OLFM3: variants seen among roughly 807,000 people sequenced by gnomAD.
OLFM3 encodes olfactomedin 3.
Under a neutral mutation model 48.6 loss-of-function variants are expected in OLFM3, and 20 were observed. That is an observed-to-expected ratio of 0.41 (90% CI 0.29 to 0.60). The LOEUF (loss-of-function observed/expected upper bound fraction) is 0.60, where lower values mean the gene tolerates loss of function less well. Ranked by LOEUF, OLFM3 falls within the 20% of genes least tolerant of loss-of-function variation. The pLI is 0.28. For missense variants in OLFM3, 437 were observed against 544.3 expected (o/e 0.80, Z 1.96); for synonymous variants, 222 against 198.1 (o/e 1.12, Z -1.01).
intron 2 of OLFM3, among the ~76,000 whole-genome samples, 199 bp downstream of exon 2, chr1:101,836,680 T>TA (rs1354003097): frequency 6.6e-6 from 1 of 151,008 alleles, no homozygotes; most frequent in Non-Finnish European, 1.5e-5. Flanking sequence ...TTAGAAAAAG[T>TA]AAAAAGTCAT....
intron 1 of OLFM3, among the ~76,000 whole-genome samples, chr1:101,868,890 A>G (rs772792552): frequency 3.8e-4 from 58 of 152,218 alleles, no homozygotes; most frequent in Admixed American, 1.3e-3. Flanking sequence ...GCAAGCCCCA[A>G]GCCTTGGTGG....
At chr1:101,834,422 A>G (rs1161105169) in intron 2 of OLFM3, among the ~76,000 whole-genome samples, 3 of 152,230 alleles carry the variant, frequency 2.0e-5, no homozygotes, top group Non-Finnish European at 4.4e-5. Context: ...ATATGTGACT[A>G]AATCAATCTT....
chr1:101,884,800 A>G (rs1206220628), intron 1 of OLFM3, among the ~76,000 whole-genome samples: 1 of 151,958 alleles, frequency 6.6e-6, no homozygotes, highest in Non-Finnish European at 1.5e-5. Flanking sequence ...CTTGCCTTTT[A>G]AAGTTCTTTT....
At chr1:101,940,451 T>C (rs1326739395) in intron 1 of OLFM3, among the ~76,000 whole-genome samples, 1 of 151,760 alleles carries the variant, frequency 6.6e-6, no homozygotes. Flanking sequence ...TCTATCTATC[T>C]TTCTAATCTA....
intron 1 of OLFM3, among the ~76,000 whole-genome samples, chr1:101,869,782 C>A (rs891037392): frequency 5.3e-5 from 8 of 152,114 alleles, no homozygotes; most frequent in African/African-American, 1.9e-4. Context: ...TGAGTGAGTT[C>A]TCACGATATC....
chr1:101,996,808 C>T lies in OLFM3; in HGVS notation c.9G>A (p.Ala3=). Residue 3 remains alanine (A), a synonymous_variant, in exon 1 of 6, where the codon GCG becomes GCA. Coordinates refer to ENST00000370103, the MANE Select transcript of OLFM3 (RefSeq NM_058170.4). ...GCAGGAGGTTGAGAAGGTTGGACGT[C>T]GCCTGCATTCTGATCTGGGTTTTTG... MQ[A]TSNLLNLLLL... 6.2e-7 allele frequency: 1 copy of T among 1,614,228 alleles called. No homozygotes were observed. Among genetic ancestry groups the T allele is most frequent in the Non-Finnish European group, 8.5e-7 (1 of 1,180,034 alleles).
At chr1:101,958,969 C>T (rs1660384628) in intron 1 of OLFM3, among the ~76,000 whole-genome samples, 1 of 151,808 alleles carries the variant, frequency 6.6e-6, no homozygotes, top group Non-Finnish European at 1.5e-5. Context: ...ACTATAGTCA[C>T]CATGCTGTAC....
chr1:101,824,931 T>G (rs1654785690), intron 4 of OLFM3, 95 bp downstream of exon 4: 1 of 1,057,120 alleles, frequency 9.5e-7, no homozygotes, highest in Non-Finnish European at 1.4e-6. Flanking sequence ...TCTTTACAAT[T>G]AGATATTTTA....
intron 3 of OLFM3, among the ~76,000 whole-genome samples, chr1:101,827,391 C>T (rs1185416820): frequency 6.6e-6 from 1 of 151,954 alleles, no homozygotes; most frequent in Non-Finnish European, 1.5e-5. Context: ...GCGATCTCGG[C>T]TCACTGCAAA....
intron 4 of OLFM3, among the ~76,000 whole-genome samples, chr1:101,816,906 C>A (rs1042820059): frequency 2.0e-5 from 3 of 152,106 alleles, no homozygotes; most frequent in African/African-American, 7.2e-5. Flanking sequence ...GCTTCCCTTA[C>A]AAATGGTTAT....
At chr1:101,917,840 C>T (rs1658974314) in intron 1 of OLFM3, among the ~76,000 whole-genome samples, 1 of 152,122 alleles carries the variant, frequency 6.6e-6, no homozygotes, top group Non-Finnish European at 1.5e-5. Flanking sequence ...ATAGTACAAA[C>T]TTGGAGAAAT....
intron 1 of OLFM3, among the ~76,000 whole-genome samples, chr1:101,898,488 C>A (rs1438260752): frequency 6.6e-6 from 1 of 152,062 alleles, no homozygotes; most frequent in Non-Finnish European, 1.5e-5. Context: ...TTAAGGGGTT[C>A]TATTTAATCT....
At chr1:101,895,412 TACACACACACACAC>T (rs35047632) in intron 1 of OLFM3, among the ~76,000 whole-genome samples, 1 of 144,114 alleles carries the variant, frequency 6.9e-6, no homozygotes, top group Non-Finnish European at 1.5e-5. Context: ...AGCTCAAGAA[TACACACACACACAC>T]ACACACACAC....
At position 101,957,618 on chromosome 1, in the gene OLFM3, T is replaced by A. The variant is rs192014987; in HGVS notation, c.69+39130A>T. Among the ~76,000 whole-genome samples, 183 of 152,172 alleles carry A rather than the reference T, an allele frequency of 1.2e-3. 1 individual carries two copies. Among genetic ancestry groups the A allele is most frequent in the African/African-American group, 4.2e-3 (176 of 41,556 alleles). On this transcript the variant is annotated intron_variant, in intron 1 of 5. Coordinates refer to ENST00000370103, the MANE Select transcript of OLFM3 (RefSeq NM_058170.4). ...GGTTATTGCACAGGAATTAAATAAC[T>A]GCTAAGTTACATGTGCTTTCTTTTT...
chr1:101,890,919 G>T (rs1403771632), intron 1 of OLFM3, among the ~76,000 whole-genome samples: 1 of 151,930 alleles, frequency 6.6e-6, no homozygotes, highest in Non-Finnish European at 1.5e-5. Flanking sequence ...AAAAAAATTT[G>T]CCTTCAGACA....
chr1:101,858,185 T>A (rs1656506692), intron 1 of OLFM3, among the ~76,000 whole-genome samples: 1 of 152,096 alleles, frequency 6.6e-6, no homozygotes, highest in African/African-American at 2.4e-5. Context: ...TCATATATTT[T>A]CCCTTTCAAT....
At chr1:101,906,818 C>T (rs1374894533) in intron 1 of OLFM3, among the ~76,000 whole-genome samples, 1 of 152,148 alleles carries the variant, frequency 6.6e-6, no homozygotes, top group African/African-American at 2.4e-5. Context: ...TTTATACATA[C>T]ATGTATGAAT....
At chr1:101,846,535 C>T (rs1656000406) in intron 1 of OLFM3, among the ~76,000 whole-genome samples, 1 of 151,472 alleles carries the variant, frequency 6.6e-6, no homozygotes, top group Non-Finnish European at 1.5e-5. Flanking sequence ...GAATAAGAAA[C>T]AAAACATATA....
At chr1:101,852,123 A>G (rs947593644) in intron 1 of OLFM3, among the ~76,000 whole-genome samples, 5 of 150,742 alleles carry the variant, frequency 3.3e-5, no homozygotes, top group South Asian at 2.1e-4. Flanking sequence ...AAATACCACC[A>G]TACTTTTCCT....
Sources: allele counts gnomAD v4.1 joint callset (sites outside exome capture counted in the v4.1 genomes callset), GRCh38; gene constraint gnomAD v4.1.1; transcripts MANE v1.5; gene names NCBI Gene and HGNC (gene_info 2026-07-23, HGNC 2026-07-21).